The following VEGFD variants were observed in gnomAD, a reference collection of about 807,000 sequenced individuals.
VEGFD encodes the protein c-fos induced growth factor (vascular endothelial growth factor D).
VEGFD carries 26 observed loss-of-function variants against 28.0 expected under a neutral mutation model. The observed-to-expected ratio is 0.93, with a 90% CI of 0.68 to 1.29. VEGFD has a LOEUF of 1.29. VEGFD is among the 50% of genes most tolerant of loss of function. VEGFD has a pLI of 0.00. For synonymous variants in VEGFD, 93 were observed against 95.5 expected (o/e 0.97, Z 0.15); for missense variants, 294 against 273.4 (o/e 1.08, Z -0.53).
chrX:15,375,831 C>T (rs1364268572), intron 1 of VEGFD, among the ~76,000 whole-genome samples: 1 of 111,203 alleles, frequency 9.0e-6, no homozygotes, highest in Non-Finnish European at 1.9e-5. Flanking sequence ...ATGAAGACTG[C>T]TTGTGGTTTT....
intron 3 of VEGFD, 30 bp downstream of exon 3, chrX:15,357,973 G>C: frequency 8.5e-7 from 1 of 1,177,123 alleles, no homozygotes. Context: ...CAGGGCTTTA[G>C]AGACGGCAGG....
At chrX:15,360,581 C>T (rs976569505) in intron 2 of VEGFD, among the ~76,000 whole-genome samples, 1 of 111,259 alleles carries the variant, frequency 9.0e-6, no homozygotes, top group Non-Finnish European at 1.9e-5. Flanking sequence ...TTGTGATCCG[C>T]CCACCTCAGC....
chrX:15,359,896 A>C (rs1365923096), intron 2 of VEGFD, among the ~76,000 whole-genome samples: 2 of 112,179 alleles, frequency 1.8e-5, no homozygotes, highest in Non-Finnish European at 1.9e-5. Flanking sequence ...GAAGCAGAAA[A>C]ACTGATCTAG....
intron 1 of VEGFD, among the ~76,000 whole-genome samples, chrX:15,370,546 G>A (rs1923281444): frequency 9.0e-6 from 1 of 111,717 alleles, no homozygotes; most frequent in East Asian, 2.8e-4. Flanking sequence ...ATATGTGTCA[G>A]ATTCATCTTT....
chrX:15,363,080 A>G (rs1339159306), intron 2 of VEGFD, 29 bp downstream of exon 2: 4 of 1,184,212 alleles, frequency 3.4e-6, no homozygotes, highest in Non-Finnish European at 4.6e-6. Flanking sequence ...ATAAAGAGAA[A>G]GAATTTGTCT....
intron 1 of VEGFD, among the ~76,000 whole-genome samples, chrX:15,363,718 C>T (rs1242199169): frequency 1.8e-5 from 2 of 111,801 alleles, no homozygotes; most frequent in Non-Finnish European, 3.8e-5. Context: ...TATGTGGACC[C>T]TAAATACTGT....
At chrX:15,353,263 G>A (rs979411735) in intron 4 of VEGFD, 95 bp from the exon 5 acceptor site, 12 of 390,388 alleles carry the variant, frequency 3.1e-5, no homozygotes, top group African/African-American at 2.9e-4. Flanking sequence ...TAATAGTTAA[G>A]ATTTTTTAAA....
intron 1 of VEGFD, among the ~76,000 whole-genome samples, chrX:15,380,886 T>C (rs1388783457): frequency 8.9e-6 from 1 of 112,568 alleles, no homozygotes; most frequent in Non-Finnish European, 1.9e-5. Flanking sequence ...CGTGTACAAC[T>C]GTATATGACT....
intron 1 of VEGFD, among the ~76,000 whole-genome samples, chrX:15,374,791 T>C (rs957728481): frequency 1.8e-5 from 2 of 110,507 alleles, no homozygotes; most frequent in East Asian, 2.8e-4. Flanking sequence ...CTTTTCTTTT[T>C]TTTTTTTTAG....
At chrX:15,367,852 G>C (rs1007055895) in intron 1 of VEGFD, among the ~76,000 whole-genome samples, 1 of 108,100 alleles carries the variant, frequency 9.3e-6, no homozygotes, top group African/African-American at 3.4e-5. Context: ...CTACTCAGGA[G>C]ACTGAGGTGG....
Position 15,353,087 on chromosome X carries a change from AT to A in VEGFD, c.722del (p.Asn241IlefsTer22). 1 of 1,177,757 alleles carries A rather than the reference AT, an allele frequency of 8.5e-7. No individual in the cohort carries two copies. Among genetic ancestry groups the A allele is most frequent in the Admixed American group, 2.2e-5 (1 of 44,713 alleles). On this transcript the variant is annotated frameshift_variant, in exon 5 of 7. Coordinates refer to ENST00000297904, the MANE Select transcript of VEGFD (RefSeq NM_004469.5). LOFTEE classifies it high-confidence loss of function. The stretch of plus-strand genomic sequence containing the variant: ...CATTACCTTCTGTTCCAGCAAGTGG[AT>A]TTTCCTCCTGCAAAACACATTTACA... Reference protein sequence around the residue: ...NKCKCVLQEENPLAGTEDHSH... With the variant: ...NKCKCVLQEEXPLAGTEDHSH...
chrX:15,347,416 C>G (rs1922582972), intron 5 of VEGFD, 57 bp from the exon 6 acceptor site: 2 of 952,300 alleles, frequency 2.1e-6, no homozygotes, highest in Non-Finnish European at 2.9e-6. Flanking sequence ...ATTGGATCAC[C>G]AAAGTTGATT....
chrX:15,378,962 C>T (rs1481436096), intron 1 of VEGFD, among the ~76,000 whole-genome samples: 2 of 111,210 alleles, frequency 1.8e-5, no homozygotes, highest in Middle Eastern at 4.6e-3. Context: ...CCAGCTGCAC[C>T]GGCTCCCTGG....
rs756262404 is a variant in VEGFD at position 15,351,005 on chromosome X, G to A, written c.742+2063C>T. On this transcript the variant is annotated intron_variant, in intron 5 of 6. Transcript: ENST00000297904. ...GCCTCCTGAGTAGCTGGGACTACAG[G>A]CGCACATCACCATGCCCAGCTATTT... 4.5e-5 allele frequency among the ~76,000 whole-genome samples: 4 copies of A among 88,745 alleles called. No individual in the cohort carries two copies. The South Asian group carries it at 2.6e-3, about 59-fold the overall frequency. 77.1% of individuals were successfully genotyped at this position (88,745 alleles called of 115,157 possible).
chrX:15,368,090 A>AGAAAGAAAGAAAAGAAG (rs1923217650), intron 1 of VEGFD, among the ~76,000 whole-genome samples: 2 of 107,761 alleles, frequency 1.9e-5, no homozygotes, highest in African/African-American at 6.8e-5. Flanking sequence ...AAGAAAAGAA[A>AGAAAGAAAGAAAAGAAG]GAAAGAAAGA....
chrX:15,368,035 G>GAAAGAAAGAAAGAAAGGAAAGAAGA (rs778478507), intron 1 of VEGFD, among the ~76,000 whole-genome samples: 4 of 37,424 alleles, frequency 1.1e-4, no homozygotes, highest in African/African-American at 4.6e-4. Context: ...AGAAAGGAAA[G>GAAAGAAAGAAAGAAAGGAAAGAAGA]AAGAAAGAAA....
chrX:15,355,107 A>T, intron 4 of VEGFD, 43 bp downstream of exon 4: 1 of 1,096,627 alleles, frequency 9.1e-7, no homozygotes, highest in Non-Finnish European at 1.2e-6. Flanking sequence ...GCAAGGCAAA[A>T]ATAAGCATAA....
chrX:15,383,651 C>A (rs1222582577), intron 1 of VEGFD, among the ~76,000 whole-genome samples: 1 of 111,771 alleles, frequency 8.9e-6, no homozygotes, highest in Admixed American at 9.5e-5. Context: ...AACCCCCACC[C>A]CAGCATTTTC....
chrX:15,378,080 G>C (rs986058105), intron 1 of VEGFD, among the ~76,000 whole-genome samples: 7 of 112,053 alleles, frequency 6.2e-5, no homozygotes, highest in Non-Finnish European at 1.1e-4. Flanking sequence ...AGGGATGAAG[G>C]AAAACATCAA....
Sources: allele counts gnomAD v4.1 joint callset (sites outside exome capture counted in the v4.1 genomes callset), GRCh38; gene constraint gnomAD v4.1.1; transcripts MANE v1.5; gene names NCBI Gene and HGNC (gene_info 2026-07-23, HGNC 2026-07-21).